ZFYVE9: variants seen among roughly 807,000 people sequenced by gnomAD.
ZFYVE9 encodes zinc finger FYVE-type containing 9, also known as zinc finger FYVE domain-containing protein 9.
ZFYVE9 carries 43 observed loss-of-function variants against 126.7 expected under a neutral mutation model. The observed-to-expected ratio is 0.34, with a 90% confidence interval of 0.27 to 0.44. The LOEUF is 0.44. Among genes scored for constraint, ZFYVE9 ranks in the 20% least tolerant of loss-of-function variants. ZFYVE9 has a pLI of 1.00. For missense variants in ZFYVE9, 1,476 were observed against 1,697.0 expected (o/e 0.87, Z 2.29); for synonymous variants, 521 against 597.4 (o/e 0.87, Z 1.87).
chr1:52,255,981 T>TTTCTTTCCTTCCTTCCTTCC (rs1557484332), intron 4 of ZFYVE9, among the ~76,000 whole-genome samples: 26 of 115,702 alleles, frequency 2.2e-4, no homozygotes, highest in African/African-American at 9.2e-4. Context: ...TCTTTCTTTC[T>TTTCTTTCCTTCCTTCCTTCC]TTCCTTCCTT....
At chr1:52,145,759 A>AT (rs34503504) in intron 1 of ZFYVE9, among the ~76,000 whole-genome samples, 1 of 151,912 alleles carries the variant, frequency 6.6e-6, no homozygotes, top group African/African-American at 2.4e-5. Flanking sequence ...TGGTTGCTTT[A>AT]TTTTTTTTAG....
At chr1:52,255,955 T>TCC (rs1557484153) in intron 4 of ZFYVE9, among the ~76,000 whole-genome samples, 18 of 104,918 alleles carry the variant, frequency 1.7e-4, no homozygotes, top group Middle Eastern at 4.3e-3. Flanking sequence ...TTTCTTTTCT[T>TCC]TTCTTTTCTT....
At chr1:52,322,837 C>T (rs1646254412) in intron 13 of ZFYVE9, among the ~76,000 whole-genome samples, 1 of 152,074 alleles carries the variant, frequency 6.6e-6, no homozygotes, top group Admixed American at 6.6e-5. Context: ...CAGAGTCTCG[C>T]TCTATCGCCC....
At chr1:52,287,452 A>G (rs1397358556) in intron 10 of ZFYVE9, among the ~76,000 whole-genome samples, 2 of 152,080 alleles carry the variant, frequency 1.3e-5, no homozygotes, top group African/African-American at 4.8e-5. Context: ...TTATGGTTTC[A>G]ATGTTTGTCC....
intron 1 of ZFYVE9, among the ~76,000 whole-genome samples, chr1:52,200,190 T>A (rs893704228): frequency 1.3e-5 from 2 of 151,928 alleles, no homozygotes; most frequent in Admixed American, 1.3e-4. Context: ...TTATTTTTTA[T>A]TTTTTTTAGA....
intron 1 of ZFYVE9, among the ~76,000 whole-genome samples, chr1:52,147,811 C>T (rs1277212399): frequency 6.6e-6 from 1 of 152,194 alleles, no homozygotes; most frequent in Admixed American, 6.5e-5. Flanking sequence ...AGTAGCTGCA[C>T]CTTTTTACAA....
chr1:52,263,867 T>C lies in ZFYVE9; in HGVS notation c.2273T>C (p.Met758Thr). ...TGTGTAATCTGCCATTCAGTGCTAA[T>C]GAATGGTAAGTATTAAAACAGGTTG... ...RVCVICHSVLMNAQAWENMMS... is the reference protein window; with the variant it reads ...RVCVICHSVLTNAQAWENMMS... The change falls in exon 5 of 19, where the codon ATG becomes ACG. Residue 758 changes from methionine to threonine, a missense_variant. Around this residue, in one of 2 missense-constraint regions of ZFYVE9, gnomAD observed 669 missense variants for 902.4 expected, o/e 0.74. Coordinates refer to ENST00000287727, the MANE Select transcript of ZFYVE9 (RefSeq NM_004799.4). 1 of 1,577,386 alleles carries C rather than the reference T, an allele frequency of 6.3e-7. No individual in the cohort carries two copies. The highest frequency in any genetic ancestry group is 1.1e-5 in the South Asian group (1 of 87,892).
intron 1 of ZFYVE9, among the ~76,000 whole-genome samples, chr1:52,213,432 C>G (rs920816950): frequency 9.2e-5 from 14 of 152,036 alleles, no homozygotes; most frequent in African/African-American, 3.4e-4. Context: ...GGGCGGATTG[C>G]CTGAGCTCAG....
chr1:52,332,889 C>A lies in ZFYVE9; in HGVS notation c.3560C>A (p.Ala1187Asp). Residue 1187 changes from alanine (A) to aspartate (D), a missense_variant, in exon 14 of 19, where the codon GCT becomes GAT. Around this residue, in one of 2 missense-constraint regions of ZFYVE9, gnomAD observed 669 missense variants for 902.4 expected, o/e 0.74. Coordinates refer to ENST00000287727, the MANE Select transcript of ZFYVE9 (RefSeq NM_004799.4). The stretch of plus-strand genomic sequence containing the variant: ...GATGATGGAAACTATCAGACCCAGG[C>A]TATCAGTATTCACAATCAGCCCAGA... ...QNDDGNYQTQAISIHNQPRKV... is the reference protein window; with the variant it reads ...QNDDGNYQTQDISIHNQPRKV... 2 of 1,614,096 alleles carry A rather than the reference C, an allele frequency of 1.2e-6. No individual in the cohort carries two copies. Among genetic ancestry groups the A allele is most frequent in the Non-Finnish European group, 1.7e-6 (2 of 1,180,010 alleles).
chr1:52,177,899 G>A (rs933840353), intron 1 of ZFYVE9, among the ~76,000 whole-genome samples: 5 of 151,944 alleles, frequency 3.3e-5, no homozygotes, highest in African/African-American at 1.2e-4. Context: ...CTTAGACACA[G>A]GAGCTAGATT....
intron 13 of ZFYVE9, among the ~76,000 whole-genome samples, chr1:52,310,133 G>A (rs935037930): frequency 7.9e-5 from 12 of 151,788 alleles, no homozygotes; most frequent in Admixed American, 3.3e-4. Flanking sequence ...CATCATGTCC[G>A]GCCAAATTTT....
At chr1:52,303,315 C>G (rs1229838089) in intron 12 of ZFYVE9, among the ~76,000 whole-genome samples, 1 of 152,212 alleles carries the variant, frequency 6.6e-6, no homozygotes, top group Non-Finnish European at 1.5e-5. Context: ...CCTATGAAAT[C>G]TAGCCATTTG....
chr1:52,293,734 T>A, intron 11 of ZFYVE9, 57 bp downstream of exon 11: 1 of 1,473,542 alleles, frequency 6.8e-7, no homozygotes, highest in Non-Finnish European at 9.4e-7. Context: ...GCCTGAAATA[T>A]TCAGAGCCCT....
chr1:52,256,097 G>T (rs961065657), intron 4 of ZFYVE9, among the ~76,000 whole-genome samples: 4 of 136,318 alleles, frequency 2.9e-5, no homozygotes, highest in Admixed American at 8.0e-5. Flanking sequence ...ATGGAGTCTC[G>T]CTCTGTCTTC....
chr1:52,176,494 G>T (rs577089424), intron 1 of ZFYVE9, among the ~76,000 whole-genome samples: 108 of 152,214 alleles, frequency 7.1e-4, no homozygotes, highest in Non-Finnish European at 1.2e-3. Context: ...CCACCTGTGT[G>T]CTGGGAGAAC....
At chr1:52,201,031 GA>G (rs1482427395) in intron 1 of ZFYVE9, among the ~76,000 whole-genome samples, 1 of 152,082 alleles carries the variant, frequency 6.6e-6, no homozygotes, top group African/African-American at 2.4e-5. Flanking sequence ...AACTTTCTGG[GA>G]TTTTGACTGG....
intron 1 of ZFYVE9, among the ~76,000 whole-genome samples, chr1:52,179,065 A>C (rs1475715789): frequency 6.6e-6 from 1 of 152,146 alleles, no homozygotes; most frequent in Non-Finnish European, 1.5e-5. Context: ...TGGCCTCCCA[A>C]AATGCTGGAA....
chr1:52,145,870 A>T (rs1352771553), intron 1 of ZFYVE9, among the ~76,000 whole-genome samples: 1 of 152,038 alleles, frequency 6.6e-6, no homozygotes, highest in Admixed American at 6.6e-5. Context: ...TATTCCCTTT[A>T]TATAGGGTAC....
At chr1:52,234,532 C>A (rs1266319181) in intron 3 of ZFYVE9, among the ~76,000 whole-genome samples, 3 of 152,164 alleles carry the variant, frequency 2.0e-5, no homozygotes. Flanking sequence ...TCGGGCTATT[C>A]TTTGATAGCA....
Sources: allele counts gnomAD v4.1 joint callset (sites outside exome capture counted in the v4.1 genomes callset), GRCh38; gene constraint gnomAD v4.1.1; regional missense constraint gnomAD v4.1.1; transcripts MANE v1.5; gene names NCBI Gene and HGNC (gene_info 2026-07-23, HGNC 2026-07-21).